The following EZH2 variants were observed in gnomAD, a reference collection of about 807,000 sequenced individuals.
EZH2 encodes enhancer of zeste 2 polycomb repressive complex 2 subunit.
A neutral mutation model predicts 98.4 loss-of-function variants in EZH2; 18 were observed. That is an observed-to-expected ratio of 0.18 (90% confidence interval 0.13 to 0.27). The LOEUF is 0.27. EZH2 is among the 10% of genes least tolerant of loss of function. The probability of loss-of-function intolerance (pLI) is 1.00; values close to 1 mark genes in which losing one functional copy is unlikely to be tolerated. For synonymous variants in EZH2, 338 were observed against 312.3 expected, an observed-to-expected ratio of 1.08 and a Z score of -0.87; for missense variants, 470 against 935.1, an observed-to-expected ratio of 0.50 and a Z score of 6.49.
intron 17 of EZH2, among the ~76,000 whole-genome samples, 158 bp from the exon 18 acceptor site, chr7:148,809,548 G>A (rs1429967557): frequency 1.3e-5 from 2 of 151,892 alleles, no homozygotes; most frequent in South Asian, 2.1e-4. Flanking sequence ...ATGACATTTG[G>A]AAGAACACAC....
chr7:148,845,283 G>A (rs894096403), intron 3 of EZH2, among the ~76,000 whole-genome samples: 1 of 152,098 alleles, frequency 6.6e-6, no homozygotes, highest in African/African-American at 2.4e-5. Flanking sequence ...TTCCCTTTAA[G>A]AACGTTCTGA....
chr7:148,820,861 C>T (rs1470693563), intron 8 of EZH2, among the ~76,000 whole-genome samples: 1 of 152,070 alleles, frequency 6.6e-6, no homozygotes, highest in Non-Finnish European at 1.5e-5. Context: ...CATTAGAGAA[C>T]ACATAAACTT....
intron 1 of EZH2, among the ~76,000 whole-genome samples, chr7:148,851,321 G>A (rs901471301): frequency 2.6e-5 from 4 of 151,990 alleles, no homozygotes; most frequent in African/African-American, 4.8e-5. Context: ...CTCAGTTTCC[G>A]GAATTTCTTT....
chr7:148,869,356 T>C (rs2129490717), intron 1 of EZH2, among the ~76,000 whole-genome samples: 1 of 146,954 alleles, frequency 6.8e-6, no homozygotes, highest in African/African-American at 2.5e-5. Flanking sequence ...TTTTTTTTTT[T>C]TTTTTTGGAG....
Position 148,867,944 on chromosome 7 carries a change from G to A in EZH2, c.-8+16220C>T, listed in dbSNP as rs773164285. Among the ~76,000 whole-genome samples, 108 of 152,280 alleles carry A rather than the reference G, an allele frequency of 7.1e-4. 2 individuals are homozygous for A. Among genetic ancestry groups the A allele is most frequent in the Middle Eastern group, 6.8e-3 (2 of 294 alleles). On this transcript the variant is annotated intron_variant, in intron 1 of 19. Coordinates refer to ENST00000320356, the MANE Select transcript of EZH2 (RefSeq NM_004456.5). Reference sequence around the variant, plus strand: ...CTGCCAGTCTCTTTGCTAACACATAGCAAGAGTGACTTTTACTCCAGTTCC... The same window carrying A: ...CTGCCAGTCTCTTTGCTAACACATAACAAGAGTGACTTTTACTCCAGTTCC...
At chr7:148,883,504 G>C (rs1446414233) in intron 1 of EZH2, 1 of 151,370 alleles carries the variant, frequency 6.6e-6, no homozygotes, top group Non-Finnish European at 1.5e-5. Context: ...CGCCGCGAAC[G>C]TCGTCCCGCG....
At chr7:148,809,460 T>A (rs1209148278) in intron 17 of EZH2, 70 bp from the exon 18 acceptor site, 23 of 1,254,950 alleles carry the variant, frequency 1.8e-5, no homozygotes, top group Admixed American at 3.7e-5. Flanking sequence ...TATTATGATT[T>A]TGTAAATGCA....
intron 1 of EZH2, among the ~76,000 whole-genome samples, chr7:148,861,774 C>T (rs1817699335): frequency 6.7e-6 from 1 of 148,356 alleles, no homozygotes; most frequent in African/African-American, 2.5e-5. Flanking sequence ...AGTTTCAGAC[C>T]AGCCTGAGCA....
chr7:148,863,792 G>A (rs1030108664), intron 1 of EZH2, among the ~76,000 whole-genome samples: 9 of 152,176 alleles, frequency 5.9e-5, no homozygotes, highest in African/African-American at 1.9e-4. Flanking sequence ...TTGGGGAAAG[G>A]CAGGAACAAA....
Position 148,884,280 on chromosome 7 carries a change from C to G in EZH2, c.-124G>C, listed in dbSNP as rs1439519518. 3.2e-5 allele frequency: 6 copies of G among 184,902 alleles called. No individual in the cohort carries two copies. Among genetic ancestry groups the G allele is most frequent in the African/African-American group, 4.7e-5 (2 of 42,494 alleles). 11.5% of individuals were successfully genotyped at this position (184,902 alleles called of 1,614,324 possible). ...CACCGGGTGTCGGACGCGACCGGAC[C>G]GAGCGCCAAACGCGGCAGCCCAATC... On this transcript the variant is annotated 5_prime_UTR_variant, in exon 1 of 20. Coordinates refer to ENST00000320356, the MANE Select transcript of EZH2 (RefSeq NM_004456.5).
intron 1 of EZH2, among the ~76,000 whole-genome samples, chr7:148,881,248 T>C (rs1820912374): frequency 6.6e-6 from 1 of 152,258 alleles, no homozygotes; most frequent in South Asian, 2.1e-4. Context: ...TCTCAATCAC[T>C]GCTCATGTAA....
chr7:148,851,286 C>T, intron 1 of EZH2, among the ~76,000 whole-genome samples: 1 of 152,080 alleles, frequency 6.6e-6, no homozygotes, highest in South Asian at 2.1e-4. Context: ...GTCCCTACTA[C>T]CAGTTAGAGA....
intron 1 of EZH2, among the ~76,000 whole-genome samples, chr7:148,880,456 G>C (rs1820798514): frequency 6.6e-6 from 1 of 152,140 alleles, no homozygotes; most frequent in East Asian, 1.9e-4. Flanking sequence ...TTTGCAAAGA[G>C]ATCATCAATA....
chr7:148,876,386 C>A (rs1181533919), intron 1 of EZH2: 5 of 152,224 alleles, frequency 3.3e-5, no homozygotes, highest in Middle Eastern at 3.4e-3. Flanking sequence ...GGCAGCGGTG[C>A]AGGTGCATAC....
At position 148,817,268 on chromosome 7, in the gene EZH2, T is replaced by G; in HGVS notation, c.1364A>C (p.Asn455Thr). The G allele has an allele frequency of 6.2e-7, 1 of 1,613,958 alleles. No homozygotes were observed. Among genetic ancestry groups the G allele is most frequent in the Non-Finnish European group, 8.5e-7 (1 of 1,179,978 alleles). ...FRVLIGTYYD[N>T]FCAIARLIGT... ...AATTAACCTAGCAATGGCACAGAAA[T>G]TGTCATAGTAAGTGCCAATGAGGAC... The change falls in exon 11 of 20, where the codon AAT (asparagine) becomes ACT (threonine). Residue 455 changes from asparagine to threonine, a missense_variant. Transcript: ENST00000320356.
At position 148,828,808 on chromosome 7, in the gene EZH2, T is replaced by C. The variant is rs1346782884; in HGVS notation, c.557A>G (p.Asp186Gly). ...TTCAGGATCGTCTCCATCATCATCATCGTCATCATCATTATATTGACCAAG... is the reference window on the plus strand; with the variant it reads ...TTCAGGATCGTCTCCATCATCATCACCGTCATCATCATTATATTGACCAAG... ...NALGQYNDDDDDDDGDDPEER... is the reference protein window; with the variant it reads ...NALGQYNDDDGDDDGDDPEER... The change falls in exon 6 of 20, where the codon GAT (aspartate) becomes GGT (glycine). Residue 186 changes from aspartate (D) to glycine (G), a missense_variant. Asp to Gly is a moderately conservative substitution (Grantham distance 94). This residue lies in a region of EZH2 where 69 missense variants were observed against 78.3 expected (regional missense o/e 0.88). Transcript: ENST00000320356. 2.5e-6 allele frequency: 4 copies of C among 1,613,790 alleles called. No individual in the cohort carries two copies. The highest frequency in any genetic ancestry group is 3.4e-6 in the Non-Finnish European group (4 of 1,179,968).
intron 17 of EZH2, 123 bp downstream of exon 17, chr7:148,810,210 C>T (rs1401986859): frequency 4.7e-6 from 3 of 643,330 alleles, no homozygotes; most frequent in East Asian, 2.6e-5. Context: ...GCCCCCCATG[C>T]CTCTAAGGAG....
intron 3 of EZH2, 83 bp from the exon 4 acceptor site, chr7:148,832,833 C>T: frequency 1.3e-6 from 1 of 756,164 alleles, no homozygotes; most frequent in Admixed American, 2.4e-5. Context: ...AGAGATGCTG[C>T]CTACCCAAAT....
At chr7:148,841,069 T>G (rs1812300233) in intron 3 of EZH2, among the ~76,000 whole-genome samples, 1 of 152,140 alleles carries the variant, frequency 6.6e-6, no homozygotes. Flanking sequence ...AATTTGACTT[T>G]TTAAAATTCA....
Sources: allele counts gnomAD v4.1 joint callset (sites outside exome capture counted in the v4.1 genomes callset), GRCh38; gene constraint gnomAD v4.1.1; regional missense constraint gnomAD v4.1.1; transcripts MANE v1.5; gene names NCBI Gene and HGNC (gene_info 2026-07-23, HGNC 2026-07-21).